Variants in FGF14 observed in about 807,000 individuals in gnomAD.
The protein encoded by FGF14 is fibroblast growth factor homologous factor 4.
A neutral mutation model predicts 25.5 loss-of-function variants in FGF14; 5 were observed. That is an observed-to-expected ratio of 0.20 (90% CI 0.10 to 0.41). The LOEUF (loss-of-function observed/expected upper bound fraction) is 0.41. Among genes scored for constraint, FGF14 ranks in the 10% least tolerant of loss-of-function variants. The pLI, the probability that FGF14 is intolerant of heterozygous loss-of-function variation, is 1.00. For missense variants in FGF14, 222 were observed against 320.1 expected, an observed-to-expected ratio of 0.69 and a Z score of 2.34; for synonymous variants, 138 against 118.3, an observed-to-expected ratio of 1.17 and a Z score of -1.08.
intron 3 of FGF14, among the ~76,000 whole-genome samples, chr13:101,817,451 TGGCAGATTATTCAGAAAA>T (rs1256419431): frequency 6.6e-6 from 1 of 152,198 alleles, no homozygotes; most frequent in African/African-American, 2.4e-5. Context: ...TAAAAAAAGG[TGGCAGATTATTCAGAAAA>T]GCAAAGCACA....
intron 1 of FGF14, among the ~76,000 whole-genome samples, chr13:102,121,211 C>T (rs975599361): frequency 3.9e-5 from 6 of 151,984 alleles, no homozygotes; most frequent in African/African-American, 1.4e-4. Flanking sequence ...ATGGGCTTCT[C>T]ACTTCACAAA....
chr13:102,320,178 T>A (rs1313470010), intron 1 of FGF14, among the ~76,000 whole-genome samples: 2 of 150,866 alleles, frequency 1.3e-5, no homozygotes, highest in Non-Finnish European at 2.9e-5. Flanking sequence ...GTCTTGCCAC[T>A]GATCAAAAAT....
At chr13:101,902,136 C>T (rs1566404546) in intron 1 of FGF14, among the ~76,000 whole-genome samples, 1 of 152,084 alleles carries the variant, frequency 6.6e-6, no homozygotes, top group Admixed American at 6.6e-5. Flanking sequence ...ACAAAAAGTG[C>T]TTAAAGAGGA....
At chr13:102,375,383 G>C (rs908381267) in intron 1 of FGF14, among the ~76,000 whole-genome samples, 2 of 152,140 alleles carry the variant, frequency 1.3e-5, no homozygotes, top group Non-Finnish European at 2.9e-5. Context: ...CCAGTATATA[G>C]TGTAATACAA....
intron 1 of FGF14, among the ~76,000 whole-genome samples, chr13:101,888,395 G>A (rs922623480): frequency 6.6e-6 from 1 of 152,108 alleles, no homozygotes; most frequent in Non-Finnish European, 1.5e-5. Flanking sequence ...TTTCTGTGGA[G>A]AATGGTAGCA....
intron 1 of FGF14, among the ~76,000 whole-genome samples, chr13:101,924,989 G>T (rs2139195249): frequency 6.6e-6 from 1 of 152,232 alleles, no homozygotes; most frequent in East Asian, 1.9e-4. Flanking sequence ...GTGTGCATGT[G>T]CATGTTGATA....
chr13:101,868,655 TTTG>T, intron 3 of FGF14, 67 bp downstream of exon 3: 1 of 1,002,128 alleles, frequency 1.0e-6, no homozygotes, highest in South Asian at 1.3e-5. Flanking sequence ...GAACTTTCTT[TTTG>T]TTGTTGCTGC....
chr13:102,353,912 G>T (rs977020919), intron 1 of FGF14, among the ~76,000 whole-genome samples: 3 of 151,964 alleles, frequency 2.0e-5, no homozygotes, highest in Non-Finnish European at 4.4e-5. Context: ...TCTTCTCTAG[G>T]TTCCCTTCTG....
intron 1 of FGF14, among the ~76,000 whole-genome samples, chr13:101,945,310 C>T (rs1337682803): frequency 3.9e-5 from 6 of 152,098 alleles, no homozygotes; most frequent in Non-Finnish European, 7.3e-5. Flanking sequence ...AAGAGTGAAA[C>T]TCCATCCCAA....
intron 1 of FGF14, among the ~76,000 whole-genome samples, chr13:102,160,326 T>C (rs966274080): frequency 5.9e-5 from 9 of 152,168 alleles, no homozygotes; most frequent in South Asian, 2.1e-4. Context: ...GATACTGTCA[T>C]AGTAGGATGG....
chr13:101,890,430 T>C (rs530529390), intron 1 of FGF14, among the ~76,000 whole-genome samples: 2 of 152,300 alleles, frequency 1.3e-5, no homozygotes, highest in African/African-American at 4.8e-5. Context: ...TGCTCTGCAG[T>C]GTGCCAGGGA....
chr13:102,278,117 T>A (rs897273743), intron 1 of FGF14, among the ~76,000 whole-genome samples: 2 of 152,232 alleles, frequency 1.3e-5, no homozygotes, highest in East Asian at 3.9e-4. Context: ...CATAATTGAA[T>A]TCTAATGAAA....
At chr13:102,180,258 T>A (rs1795077807) in intron 1 of FGF14, among the ~76,000 whole-genome samples, 1 of 152,170 alleles carries the variant, frequency 6.6e-6, no homozygotes, top group South Asian at 2.1e-4. Flanking sequence ...TTCCATGCTA[T>A]AATTCTGCTC....
At chr13:102,223,817 C>A (rs189431833) in intron 1 of FGF14, among the ~76,000 whole-genome samples, 2 of 152,266 alleles carry the variant, frequency 1.3e-5, no homozygotes, top group African/African-American at 4.8e-5. Context: ...GAGCTATTGT[C>A]ATGCCACTGC....
chr13:101,822,528 G>A (rs1176891075), intron 3 of FGF14, among the ~76,000 whole-genome samples: 1 of 151,074 alleles, frequency 6.6e-6, no homozygotes, highest in Non-Finnish European at 1.5e-5. Flanking sequence ...ATTCTGACAT[G>A]GATCCTAATA....
chr13:102,195,232 C>A (rs1254709168), intron 1 of FGF14, among the ~76,000 whole-genome samples: 1 of 152,074 alleles, frequency 6.6e-6, no homozygotes, highest in Non-Finnish European at 1.5e-5. Flanking sequence ...TATGAATATA[C>A]CCTTGGTTTG....
intron 1 of FGF14, among the ~76,000 whole-genome samples, chr13:102,287,074 A>C (rs1247791694): frequency 1.3e-5 from 2 of 152,202 alleles, no homozygotes; most frequent in African/African-American, 2.4e-5. Flanking sequence ...ACATGTATAC[A>C]TATGTAACGA....
intron 1 of FGF14, among the ~76,000 whole-genome samples, chr13:101,971,707 A>G (rs1320126230): frequency 6.6e-6 from 1 of 152,198 alleles, no homozygotes; most frequent in Non-Finnish European, 1.5e-5. Context: ...TTATCACTCC[A>G]TTTCACAGAT....
At chr13:102,074,002 A>G (rs965606225) in intron 1 of FGF14, among the ~76,000 whole-genome samples, 18 of 152,086 alleles carry the variant, frequency 1.2e-4, no homozygotes, top group African/African-American at 4.1e-4. Flanking sequence ...TTCATAAAAG[A>G]AGGAAGAGCT....
Sources: gnomAD v4.1 joint callset for allele counts (sites outside exome capture counted in the v4.1 genomes callset) on GRCh38, gnomAD v4.1.1 for gene constraint, MANE v1.5 for transcripts, NCBI Gene and HGNC (gene_info 2026-07-23, HGNC 2026-07-21) for gene names.